The following ATP10B variants were observed in gnomAD, a reference collection of about 807,000 sequenced individuals.
ATP10B encodes phospholipid-transporting ATPase VB.
ATP10B carries 122 observed loss-of-function variants against 141.2 expected under a neutral mutation model. The ratio of observed to expected loss-of-function variants is 0.86; its 90% CI spans 0.75 to 1.00. The LOEUF (loss-of-function observed/expected upper bound fraction) is 1.00. Ranked by LOEUF, ATP10B falls within the 50% of genes least tolerant of loss-of-function variation. ATP10B has a pLI of 0.00. For missense variants in ATP10B, 1,876 were observed against 1,825.3 expected (o/e 1.03, Z -0.51); for synonymous variants, 685 against 692.0 (o/e 0.99, Z 0.16).
intron 10 of ATP10B, among the ~76,000 whole-genome samples, chr5:160,637,545 G>A (rs1261285661): frequency 6.6e-6 from 1 of 152,198 alleles, no homozygotes; most frequent in African/African-American, 2.4e-5. Flanking sequence ...ACAGCACCAG[G>A]TACAGACTGA....
intron 1 of ATP10B, among the ~76,000 whole-genome samples, chr5:160,808,666 T>C (rs1772945960): frequency 6.6e-6 from 1 of 152,190 alleles, no homozygotes; most frequent in African/African-American, 2.4e-5. Context: ...TCCTTCCCAT[T>C]CAACCCAAAT....
intron 3 of ATP10B, among the ~76,000 whole-genome samples, chr5:160,714,724 T>C (rs1765485226): frequency 2.7e-5 from 3 of 110,898 alleles, no homozygotes; most frequent in African/African-American, 1.1e-4. Flanking sequence ...TTCTGTTCTG[T>C]TTTTTCCCCA....
chr5:160,853,790 A>G (rs561268184), upstream of ATP10B, among the ~76,000 whole-genome samples: 1 of 152,302 alleles, frequency 6.6e-6, no homozygotes, highest in Admixed American at 6.5e-5. Context: ...ATAATAGATA[A>G]GAAATGCTAT....
chr5:160,868,875 G>A, the ATP10B span, among the ~76,000 whole-genome samples: 1 of 152,108 alleles, frequency 6.6e-6, no homozygotes, highest in Non-Finnish European at 1.5e-5. Flanking sequence ...TATTACACAT[G>A]CAATCTACAA....
At chr5:160,782,251 C>G (rs938622801) in intron 2 of ATP10B, among the ~76,000 whole-genome samples, 2 of 152,132 alleles carry the variant, frequency 1.3e-5, no homozygotes, top group Non-Finnish European at 2.9e-5. Flanking sequence ...AGAACTGGCT[C>G]CTGCCCACAG....
upstream of ATP10B, among the ~76,000 whole-genome samples, chr5:160,854,348 C>A (rs1214582630): frequency 6.6e-6 from 1 of 152,076 alleles, no homozygotes; most frequent in African/African-American, 2.4e-5. Flanking sequence ...CCCTGACAGG[C>A]CCCAGTGTGT....
intron 3 of ATP10B, among the ~76,000 whole-genome samples, chr5:160,696,369 A>G (rs1764364658): frequency 6.6e-6 from 1 of 151,984 alleles, no homozygotes; most frequent in African/African-American, 2.4e-5. Flanking sequence ...TCAGCCTCCC[A>G]AAGTGCTGGG....
the ATP10B span, among the ~76,000 whole-genome samples, chr5:160,877,673 T>C: frequency 8.1e-5 from 12 of 148,790 alleles, no homozygotes; most frequent in East Asian, 4.1e-4. Flanking sequence ...AGCTGATAAG[T>C]AACTTCAGCA....
At chr5:160,777,544 C>T (rs180974708) in intron 2 of ATP10B, among the ~76,000 whole-genome samples, 9 of 152,298 alleles carry the variant, frequency 5.9e-5, no homozygotes, top group Admixed American at 2.6e-4. Context: ...GGGGCTTGTT[C>T]AGCTAAGATA....
chr5:160,647,389 G>T (rs185655599), intron 8 of ATP10B, among the ~76,000 whole-genome samples: 8 of 152,134 alleles, frequency 5.3e-5, no homozygotes, highest in Non-Finnish European at 7.4e-5. Context: ...TAGCTACTCC[G>T]CAGTCCAACT....
intron 2 of ATP10B, among the ~76,000 whole-genome samples, chr5:160,762,796 A>G (rs2127842368): frequency 6.6e-6 from 1 of 152,292 alleles, no homozygotes; most frequent in Middle Eastern, 3.4e-3. Context: ...AAATTCACCA[A>G]ATATCTGCTG....
intron 2 of ATP10B, among the ~76,000 whole-genome samples, chr5:160,785,066 A>G (rs1040932182): frequency 6.6e-6 from 1 of 152,208 alleles, no homozygotes; most frequent in Admixed American, 6.6e-5. Context: ...TCTGGCCAAT[A>G]AATGTGAGAG....
At chr5:160,724,498 AAAAGT>A (rs768756845) in intron 2 of ATP10B, among the ~76,000 whole-genome samples, 5 of 152,200 alleles carry the variant, frequency 3.3e-5, no homozygotes, top group Non-Finnish European at 5.9e-5. Flanking sequence ...TGTTTGGAGT[AAAAGT>A]AAAGTACCAT....
chr5:160,866,938 G>A, the ATP10B span, among the ~76,000 whole-genome samples: 4 of 151,972 alleles, frequency 2.6e-5, no homozygotes, highest in Non-Finnish European at 4.4e-5. Flanking sequence ...TTTTATGAAC[G>A]ACTGGACCAA....
At chr5:160,826,461 G>A (rs1365614059) in intron 1 of ATP10B, among the ~76,000 whole-genome samples, 7 of 152,162 alleles carry the variant, frequency 4.6e-5, no homozygotes, top group Non-Finnish European at 7.3e-5. Flanking sequence ...ATCTTCGTAA[G>A]CTGAGGATGT....
In ATP10B at chr5:160,616,087, C is replaced by A. The variant is rs1757980771; in HGVS notation, c.2527-123G>T. ...AACTTCCCTACATAATTAGATGGGGCTTTCTTCTCAAAGACTTTTTTTTAA... is the reference window on the plus strand; with the variant it reads ...AACTTCCCTACATAATTAGATGGGGATTTCTTCTCAAAGACTTTTTTTTAA... On this transcript the variant is annotated intron_variant, in intron 16 of 25. Coordinates refer to ENST00000327245, the MANE Select transcript of ATP10B (RefSeq NM_025153.3). 1.4e-5 allele frequency: 15 copies of A among 1,039,536 alleles called. No individual in the cohort carries two copies. In the South Asian group the frequency reaches 2.2e-4, roughly 15 times the overall value. The allele number at this position is 1,039,536 out of a possible 1,614,324, so 64.4% of individuals were successfully genotyped here.
the ATP10B span, among the ~76,000 whole-genome samples, chr5:160,880,550 T>C: frequency 6.6e-6 from 1 of 152,132 alleles, no homozygotes; most frequent in Non-Finnish European, 1.5e-5. Flanking sequence ...GCTACAGTAA[T>C]CAAGACAATG....
At chr5:160,714,562 GT>G (rs1431517409) in intron 3 of ATP10B, among the ~76,000 whole-genome samples, 1 of 101,776 alleles carries the variant, frequency 9.8e-6, no homozygotes, top group Admixed American at 9.9e-5. Context: ...TGGTTTGAAT[GT>G]CCTCCCGTAA....
At chr5:160,746,494 T>C (rs2915803) in intron 2 of ATP10B, among the ~76,000 whole-genome samples, 88,219 of 151,448 alleles carry the variant, frequency 0.58, 26,339 homozygotes, top group African/African-American at 0.7. Flanking sequence ...CAGGTTCAAG[T>C]GATTCTCATA....
Sources: allele counts gnomAD v4.1 joint callset (sites outside exome capture counted in the v4.1 genomes callset), GRCh38; gene constraint gnomAD v4.1.1; transcripts MANE v1.5; gene names NCBI Gene and HGNC (gene_info 2026-07-23, HGNC 2026-07-21).